Variants in CCDC66 observed in about 807,000 individuals in gnomAD.
CCDC66 encodes the protein coiled-coil domain-containing protein 66.
Under a neutral mutation model 128.3 loss-of-function variants are expected in CCDC66, and 133 were observed. That is an observed-to-expected ratio of 1.04 (90% confidence interval 0.90 to 1.20). The LOEUF (loss-of-function observed/expected upper bound fraction) is 1.20. CCDC66 is among the 50% of genes most tolerant of loss of function. The probability of loss-of-function intolerance (pLI) is 0.00; values close to 1 mark genes in which losing one functional copy is unlikely to be tolerated. For missense variants in CCDC66, 1,126 were observed against 1,075.5 expected (o/e 1.05, Z -0.66); for synonymous variants, 387 against 357.0 (o/e 1.08, Z -0.95).
At chr3:56,569,243 C>A in intron 6 of CCDC66, 1 of 186,678 alleles carries the variant, frequency 5.4e-6, no homozygotes, top group South Asian at 8.8e-5. Context: ...GTGTGTTAGT[C>A]TGTTTTGTGT....
At chr3:56,575,469 A>G (rs2067230145) in intron 7 of CCDC66, among the ~76,000 whole-genome samples, 2 of 151,760 alleles carry the variant, frequency 1.3e-5, no homozygotes, top group South Asian at 4.2e-4. Context: ...TGTAGGAGTT[A>G]TATATTTTGT....
chr3:56,615,928 C>T lies in CCDC66; in HGVS notation c.1718C>T (p.Thr573Ile), dbSNP rs778335151. 1 of 1,591,452 alleles carries T rather than the reference C, an allele frequency of 6.3e-7. No homozygotes were observed. Among genetic ancestry groups the T allele is most frequent in the Non-Finnish European group, 8.6e-7 (1 of 1,168,502 alleles). ...GGTGATTTCTCTTTGCCAGTTGATA[C>T]AATACAAATGGAATATAATGCATCT... is the stretch of plus-strand genomic sequence containing the variant. Reference protein sequence around the residue: ...SRLIKNLGVDTIQMEYNASNI... With the variant: ...SRLIKNLGVDIIQMEYNASNI... Residue 573 changes from threonine (T) to isoleucine (I), a missense_variant, in exon 13 of 18, where the codon ACA becomes ATA. Thr to Ile is a moderately conservative substitution (Grantham distance 89, BLOSUM62 -1). Coordinates refer to ENST00000394672, the MANE Select transcript of CCDC66 (RefSeq NM_001141947.3).
At chr3:56,564,286 A>G (rs745555139) in intron 4 of CCDC66, 161 bp downstream of exon 4, 101 of 559,912 alleles carry the variant, frequency 1.8e-4, no homozygotes, top group Non-Finnish European at 2.6e-4. Context: ...CTAATATGCA[A>G]AATTATTTTT....
At chr3:56,619,032 A>G (rs1578089396) in intron 15 of CCDC66, 2 of 356,358 alleles carry the variant, frequency 5.6e-6, no homozygotes, top group East Asian at 1.1e-4. Context: ...CAGCCTGGCC[A>G]ACTTGGTGAA....
chr3:56,601,664 AGTTCTCCTTAAAGAGGTCCT>A (rs1559726870), intron 10 of CCDC66, among the ~76,000 whole-genome samples: 1 of 151,964 alleles, frequency 6.6e-6, no homozygotes, highest in Non-Finnish European at 1.5e-5. Context: ...AGTGGTTTGT[AGTTCTCCTTAAAGAGGTCCT>A]TCACGTCCCT....
At chr3:56,600,355 G>T (rs1253098695) in intron 10 of CCDC66, among the ~76,000 whole-genome samples, 1 of 151,720 alleles carries the variant, frequency 6.6e-6, no homozygotes, top group Non-Finnish European at 1.5e-5. Flanking sequence ...CACCATGTTG[G>T]CCAGGATGGT....
chr3:56,607,844 A>G (rs1053745106), intron 10 of CCDC66, among the ~76,000 whole-genome samples: 5 of 152,180 alleles, frequency 3.3e-5, no homozygotes, highest in African/African-American at 4.8e-5. Context: ...GGTTTTGATC[A>G]TAAAGGATGC....
chr3:56,596,758 ATTTT>A (rs35527957), intron 10 of CCDC66, among the ~76,000 whole-genome samples: 17 of 96,854 alleles, frequency 1.8e-4, no homozygotes, highest in Non-Finnish European at 3.4e-4. Context: ...TCCATCTTGA[ATTTT>A]TTTTTTTTTT....
intron 10 of CCDC66, among the ~76,000 whole-genome samples, chr3:56,604,627 G>A (rs944242892): frequency 1.1e-4 from 16 of 151,160 alleles, no homozygotes; most frequent in African/African-American, 3.7e-4. Context: ...CTCCTGGCTC[G>A]TAGAGTTTCT....
intron 7 of CCDC66, among the ~76,000 whole-genome samples, chr3:56,583,669 A>C (rs1043851066): frequency 6.6e-6 from 1 of 151,936 alleles, no homozygotes; most frequent in Non-Finnish European, 1.5e-5. Flanking sequence ...CTTAGTACAG[A>C]ACAAAATGGA....
chr3:56,566,902 G>T, intron 5 of CCDC66, 48 bp from the exon 6 acceptor site: 1 of 1,531,466 alleles, frequency 6.5e-7, no homozygotes, highest in South Asian at 1.2e-5. Context: ...AGTCAGTTGT[G>T]TAGAAATGTA....
chr3:56,586,151 G>C (rs2069670766), intron 7 of CCDC66, among the ~76,000 whole-genome samples: 1 of 151,950 alleles, frequency 6.6e-6, no homozygotes, highest in African/African-American at 2.4e-5. Flanking sequence ...ATTGTGCAAA[G>C]TGTTTAGCTG....
rs1209026362 is a variant in CCDC66, at chr3:56,567,071, C to G, written c.814+18C>G. ...AGAGCTAGGTAGGTAACTTTTATAC[C>G]TTTATTATAGTTTTATTGGCTTAAA... On this transcript the variant is annotated intron_variant, in intron 6 of 17. Coordinates refer to ENST00000394672, the MANE Select transcript of CCDC66 (RefSeq NM_001141947.3). 1.3e-6 allele frequency: 2 copies of G among 1,557,660 alleles called. No individual in the cohort carries two copies. Among genetic ancestry groups the G allele is most frequent in the Non-Finnish European group, 1.8e-6 (2 of 1,129,556 alleles).
chr3:56,618,307 G>A, intron 15 of CCDC66, 95 bp downstream of exon 15: 1 of 1,094,986 alleles, frequency 9.1e-7, no homozygotes, highest in Non-Finnish European at 1.4e-6. Context: ...TATGGTATAT[G>A]TAGAGAACAA....
intron 6 of CCDC66, among the ~76,000 whole-genome samples, chr3:56,567,562 A>G (rs1244625878): frequency 6.6e-6 from 1 of 152,226 alleles, no homozygotes; most frequent in Non-Finnish European, 1.5e-5. Flanking sequence ...AAAAACTAAA[A>G]TAAATGGCCA....
At chr3:56,580,459 T>C (rs2068155395) in intron 7 of CCDC66, among the ~76,000 whole-genome samples, 1 of 151,874 alleles carries the variant, frequency 6.6e-6, no homozygotes, top group Non-Finnish European at 1.5e-5. Flanking sequence ...ATTATGATGT[T>C]AGCTGGTTAT....
rs2067851208 is a variant in CCDC66 at position 56,578,929 on chromosome 3, T to G, written c.936+7627T>G. ...TCAGGATGATGTTGGTCTCATAAAA[T>G]GAGTTAGGGAGGATTCCCTCTTTTT... On this transcript the variant is annotated intron_variant, in intron 7 of 17. Coordinates refer to ENST00000394672, the MANE Select transcript of CCDC66 (RefSeq NM_001141947.3). Among the ~76,000 whole-genome samples, 2 of 151,890 alleles carry G rather than the reference T, an allele frequency of 1.3e-5. 1 individual carries two copies. Among genetic ancestry groups the G allele is most frequent in the East Asian group, 3.9e-4 (2 of 5,076 alleles).
intron 6 of CCDC66, 123 bp downstream of exon 6, chr3:56,567,176 G>C (rs2065969157): frequency 1.6e-6 from 1 of 639,014 alleles, no homozygotes; most frequent in Non-Finnish European, 2.8e-6. Flanking sequence ...TGGATCAGGA[G>C]GGCAAGAGAT....
In CCDC66 at chr3:56,566,976, T is replaced by A; in HGVS notation, c.737T>A (p.Ile246Lys). ...AIENEWKPAD[I>K]FSTLGERECD... ...GAGAATGAATGGAAACCAGCTGATA[T>A]ATTCAGTACTCTGGGGGAAAGGGAA... Residue 246 changes from isoleucine (I) to lysine (K), a missense_variant, in exon 6 of 18, where the codon ATA (isoleucine) becomes AAA (lysine). Coordinates refer to ENST00000394672, the MANE Select transcript of CCDC66 (RefSeq NM_001141947.3). 6.2e-7 allele frequency: 1 copy of A among 1,614,024 alleles called. No homozygotes were observed. The highest frequency in any genetic ancestry group is 8.5e-7 in the Non-Finnish European group (1 of 1,179,946).
Sources: gnomAD v4.1 joint callset for allele counts (sites outside exome capture counted in the v4.1 genomes callset) on GRCh38, gnomAD v4.1.1 for gene constraint, MANE v1.5 for transcripts, NCBI Gene and HGNC (gene_info 2026-07-23, HGNC 2026-07-21) for gene names.